Variants in CDC6 observed in about 807,000 individuals in gnomAD.
The protein encoded by CDC6 is cell division cycle 6, also known as DNA replication factor CDC6.
In CDC6, 46 loss-of-function variants were observed where a neutral mutation model predicts 60.2. The ratio of observed to expected loss-of-function variants is 0.76; its 90% confidence interval spans 0.60 to 0.98. CDC6 has a LOEUF of 0.98. Among genes scored for constraint, CDC6 ranks in the 50% least tolerant of loss-of-function variants. CDC6 has a pLI of 0.00. For missense variants in CDC6, 596 were observed against 652.9 expected, an observed-to-expected ratio of 0.91 and a Z score of 0.95; for synonymous variants, 210 against 233.2, an observed-to-expected ratio of 0.90 and a Z score of 0.90.
At position 40,303,825 on chromosome 17, in the gene CDC6, T is replaced by C. The variant is rs2032968223; in HGVS notation, c.*1824T>C. 1.3e-5 allele frequency: 2 copies of C among 152,374 alleles called. No individual in the cohort carries two copies. The highest frequency in any genetic ancestry group is 2.4e-5 in the African/African-American group (1 of 41,582). The allele number at this position is 152,374 out of a possible 1,614,324, so 9.4% of individuals were successfully genotyped here. On this transcript the variant is annotated 3_prime_UTR_variant, in exon 12 of 12. Transcript: ENST00000209728. ...AAGCTTGATTTAAATTACATTTTAT[T>C]GGATGCTGCAGCCTTAAGAGACGTG...
rs758595421 is a variant in CDC6 at position 40,291,695 on chromosome 17, C to T, written c.660+27C>T. On this transcript the variant is annotated intron_variant, in intron 4 of 11. Transcript: ENST00000209728. ...TACATTGAGAGTCTGAATTATGATA[C>T]TCTTGGTAAAATGATACTTGGGTGT... 4 of 1,582,936 alleles carry T rather than the reference C, an allele frequency of 2.5e-6. No individual in the cohort carries two copies. The South Asian group carries it at 3.3e-5, about 13-fold the overall frequency.
rs2143060144 is a variant in CDC6, at chr17:40,288,045, A to G, written c.-59A>G. The G allele has an allele frequency of 6.5e-6, 1 of 154,040 alleles. No individual in the cohort carries two copies. The highest frequency in any genetic ancestry group is 1.4e-5 in the Non-Finnish European group (1 of 69,050). 9.5% of individuals were successfully genotyped at this position (154,040 alleles called of 1,614,324 possible). ...TGCTCGAGGAGGCCTGGGGTCTGTG[A>G]GGCAGCGGAGCTGGGTGAAGGCTGC... On this transcript the variant is annotated 5_prime_UTR_variant, in exon 1 of 12. Transcript: ENST00000209728.
intron 10 of CDC6, 61 bp downstream of exon 10, chr17:40,301,091 G>A: frequency 8.2e-7 from 1 of 1,212,324 alleles, no homozygotes; most frequent in Non-Finnish European, 1.2e-6. Context: ...TGCAGAGCAG[G>A]TATTTTCCAA....
chr17:40,302,332 G>C lies in CDC6; in HGVS notation c.*331G>C, dbSNP rs4135032. 1 of 280,716 alleles carries C rather than the reference G, an allele frequency of 3.6e-6. No homozygotes were observed. Among genetic ancestry groups the C allele is most frequent in the Admixed American group, 5.0e-5 (1 of 20,122 alleles). 17.4% of individuals were successfully genotyped at this position (280,716 alleles called of 1,614,324 possible). A position where few individuals can be genotyped will look rare whatever the true frequency, so the allele number is the denominator to read the frequency against. ...TACCTCTTCGTTTGCTCAAACATGA[G>C]TGGGTATTTTTTTGTTTGTTTTTTT... On this transcript the variant is annotated 3_prime_UTR_variant, in exon 12 of 12. Transcript: ENST00000209728.
chr17:40,301,404 A>ATGAT, intron 10 of CDC6, 64 bp from the exon 11 acceptor site: 1 of 1,545,100 alleles, frequency 6.5e-7, no homozygotes, highest in South Asian at 1.1e-5. Context: ...GGTTTCTTAA[A>ATGAT]TGATTAAAGG....
At chr17:40,288,843 C>A (rs1231111938) in intron 1 of CDC6, among the ~76,000 whole-genome samples, 1 of 152,092 alleles carries the variant, frequency 6.6e-6, no homozygotes, top group African/African-American at 2.4e-5. Flanking sequence ...GGATTACAGG[C>A]GTGAGCCACC....
chr17:40,296,667 C>A, intron 8 of CDC6, 36 bp from the exon 9 acceptor site: 3 of 1,283,756 alleles, frequency 2.3e-6, no homozygotes, highest in Non-Finnish European at 3.4e-6. Flanking sequence ...TTTGGTTTGG[C>A]TCAGACTAAA....
At chr17:40,294,612 C>A in intron 7 of CDC6, 109 bp downstream of exon 7, 2 of 986,240 alleles carry the variant, frequency 2.0e-6, no homozygotes, top group Non-Finnish European at 3.2e-6. Context: ...ATTAATGGAG[C>A]AAGGAGTTCC....
chr17:40,295,520 C>G (rs368853441), intron 8 of CDC6, 64 bp downstream of exon 8: 26 of 1,085,358 alleles, frequency 2.4e-5, no homozygotes, highest in South Asian at 1.5e-4. Flanking sequence ...TGTTAATTGT[C>G]TCATGTAACT....
intron 8 of CDC6, 38 bp from the exon 9 acceptor site, chr17:40,296,665 G>T (rs903531501): frequency 8.2e-7 from 1 of 1,218,130 alleles, no homozygotes; most frequent in African/African-American, 1.5e-5. Context: ...TGTTTGGTTT[G>T]GCTCAGACTA....
At chr17:40,290,384 C>G (rs1347901331) in intron 2 of CDC6, among the ~76,000 whole-genome samples, 1 of 152,114 alleles carries the variant, frequency 6.6e-6, no homozygotes. Flanking sequence ...TTGCTACTGG[C>G]ATAGTGGGTA....
intron 5 of CDC6, 99 bp downstream of exon 5, chr17:40,293,730 C>A: frequency 9.4e-7 from 1 of 1,062,928 alleles, no homozygotes; most frequent in Non-Finnish European, 1.5e-6. Context: ...AGGATAGTTA[C>A]ATAAACTTAA....
chr17:40,303,927 G>A lies in CDC6; in HGVS notation c.*1926G>A, dbSNP rs1233335656. On this transcript the variant is annotated 3_prime_UTR_variant, in exon 12 of 12. Coordinates refer to ENST00000209728, the MANE Select transcript of CDC6 (RefSeq NM_001254.4). ...TCCACAGTAGGATCCTGCCCAATAA[G>A]GAGCAGCCTCCCCACCTCATTGTGT... 6 of 152,256 alleles carry A rather than the reference G, an allele frequency of 3.9e-5. No individual in the cohort carries two copies. The highest frequency in any genetic ancestry group is 1.3e-4 in the Admixed American group (2 of 15,282). 9.4% of individuals were successfully genotyped at this position (152,256 alleles called of 1,614,324 possible). A position where few individuals can be genotyped will look rare whatever the true frequency, so the allele number is the denominator to read the frequency against.
chr17:40,301,178 A>G (rs553964455), intron 10 of CDC6, 148 bp downstream of exon 10: 5 of 724,154 alleles, frequency 6.9e-6, no homozygotes, highest in Admixed American at 6.5e-5. Flanking sequence ...TACTATATAA[A>G]AGGCACCTAT....
chr17:40,297,128 A>C (rs1276396597), intron 9 of CDC6, among the ~76,000 whole-genome samples: 2 of 152,140 alleles, frequency 1.3e-5, no homozygotes, highest in African/African-American at 4.8e-5. Context: ...CTGATAAATA[A>C]GGGAGAATTG....
intron 9 of CDC6, among the ~76,000 whole-genome samples, chr17:40,300,592 C>G (rs951685241): frequency 4.6e-5 from 7 of 152,124 alleles, no homozygotes; most frequent in Admixed American, 4.6e-4. Flanking sequence ...ACTATTTGGC[C>G]CAGAGAAAGG....
intron 8 of CDC6, among the ~76,000 whole-genome samples, chr17:40,296,485 A>C (rs928868672): frequency 1.8e-4 from 28 of 152,186 alleles, no homozygotes; most frequent in African/African-American, 6.8e-4. Context: ...TTATCTGAGA[A>C]ATAACCCAGT....
At chr17:40,291,897 C>G (rs1567733898) in intron 4 of CDC6, among the ~76,000 whole-genome samples, 1 of 152,186 alleles carries the variant, frequency 6.6e-6, no homozygotes, top group East Asian at 1.9e-4. Flanking sequence ...AGGCGCCCGC[C>G]ACCATGCCCA....
chr17:40,293,051 C>A (rs775951821), intron 4 of CDC6, among the ~76,000 whole-genome samples: 1 of 151,860 alleles, frequency 6.6e-6, no homozygotes, highest in Non-Finnish European at 1.5e-5. Flanking sequence ...CCAGCCTGGC[C>A]AATGTGGCGA....
Sources: allele counts gnomAD v4.1 joint callset (sites outside exome capture counted in the v4.1 genomes callset), GRCh38; gene constraint gnomAD v4.1.1; transcripts MANE v1.5; gene names NCBI Gene and HGNC (gene_info 2026-07-23, HGNC 2026-07-21).